CFAP77: variants seen among roughly 807,000 people sequenced by gnomAD.
The protein encoded by CFAP77 is cilia- and flagella-associated protein 77.
Under a neutral mutation model 31.1 loss-of-function variants are expected in CFAP77, and 25 were observed. The ratio of observed to expected loss-of-function variants is 0.80; its 90% confidence interval spans 0.59 to 1.12. The LOEUF (loss-of-function observed/expected upper bound fraction) is 1.12. Among genes scored for constraint, CFAP77 ranks in the 50% most tolerant of loss-of-function variants. The pLI is 0.00. For missense variants in CFAP77, 377 were observed against 397.3 expected, an observed-to-expected ratio of 0.95 and a Z score of 0.44; for synonymous variants, 151 against 159.9, an observed-to-expected ratio of 0.94 and a Z score of 0.42.
chr9:132,493,809 G>A (rs546986727), intron 1 of CFAP77, among the ~76,000 whole-genome samples: 36 of 152,316 alleles, frequency 2.4e-4, no homozygotes, highest in African/African-American at 8.2e-4. Context: ...CCACAGTAAC[G>A]TTCTTTCATT....
At chr9:132,433,072 C>T (rs1332986849) in intron 1 of CFAP77, among the ~76,000 whole-genome samples, 1 of 151,636 alleles carries the variant, frequency 6.6e-6, no homozygotes, top group Non-Finnish European at 1.5e-5. Flanking sequence ...TGGTCTCAAA[C>T]CCCTGACTTC....
rs142576017 is a variant in CFAP77 at position 132,479,539 on chromosome 9, C to T, written c.196-19156C>T. On this transcript the variant is annotated intron_variant, in intron 1 of 5. Transcript: ENST00000393216. ...TCTTCATTCATCCAACCTGCTGCAG[C>T]GCATTGAACCTGCTGATCCAATCAC... Among the ~76,000 whole-genome samples, 753 of 152,314 alleles carry T rather than the reference C, an allele frequency of 4.9e-3. 2 individuals carry two copies. Among genetic ancestry groups the T allele is most frequent in the Non-Finnish European group, 8.0e-3 (546 of 68,022 alleles).
At chr9:132,457,638 G>A (rs1032796388) in intron 1 of CFAP77, among the ~76,000 whole-genome samples, 1 of 152,218 alleles carries the variant, frequency 6.6e-6, no homozygotes, top group African/African-American at 2.4e-5. Flanking sequence ...CTGGCGACAG[G>A]TTACTGATGG....
chr9:132,513,595 C>T (rs1852081294), intron 3 of CFAP77, among the ~76,000 whole-genome samples: 1 of 152,198 alleles, frequency 6.6e-6, no homozygotes, highest in African/African-American at 2.4e-5. Flanking sequence ...ACATGACTCG[C>T]TCATCTCATG....
intron 5 of CFAP77, among the ~76,000 whole-genome samples, chr9:132,550,384 T>C (rs1852804180): frequency 6.6e-6 from 1 of 152,162 alleles, no homozygotes; most frequent in Non-Finnish European, 1.5e-5. Flanking sequence ...TTGATGGAAT[T>C]TGGGGGGTCC....
chr9:132,435,250 GGCTAA>G (rs1044503090), intron 1 of CFAP77, among the ~76,000 whole-genome samples: 4 of 151,976 alleles, frequency 2.6e-5, no homozygotes, highest in Non-Finnish European at 4.4e-5. Flanking sequence ...AAAGCGAGTG[GGCTAA>G]TGAAAATGTC....
chr9:132,431,592 A>G (rs192678966), intron 1 of CFAP77, among the ~76,000 whole-genome samples: 11 of 152,322 alleles, frequency 7.2e-5, no homozygotes, highest in Admixed American at 3.9e-4. Context: ...GTAAAAATTC[A>G]CTTAATGAGC....
intron 1 of CFAP77, among the ~76,000 whole-genome samples, chr9:132,456,501 G>A (rs777217998): frequency 6.6e-6 from 1 of 152,226 alleles, no homozygotes; most frequent in Non-Finnish European, 1.5e-5. Context: ...CAGGGGCAGT[G>A]CCTTCTAGCC....
At chr9:132,529,452 A>G (rs1405141253) in intron 3 of CFAP77, among the ~76,000 whole-genome samples, 1 of 146,448 alleles carries the variant, frequency 6.8e-6, no homozygotes, top group African/African-American at 2.5e-5. Flanking sequence ...GCACATGTAT[A>G]CATATGTAAC....
chr9:132,528,409 G>A (rs902475318), intron 3 of CFAP77, among the ~76,000 whole-genome samples: 7 of 145,846 alleles, frequency 4.8e-5, no homozygotes, highest in African/African-American at 1.7e-4. Flanking sequence ...AACCCTAGAA[G>A]AAAACCTAGG....
chr9:132,516,222 G>T (rs1461210804), intron 3 of CFAP77, among the ~76,000 whole-genome samples: 2 of 152,120 alleles, frequency 1.3e-5, no homozygotes, highest in South Asian at 4.1e-4. Flanking sequence ...ATATATATTG[G>T]TTACTTAAGA....
chr9:132,471,342 G>A (rs952196996), intron 1 of CFAP77, among the ~76,000 whole-genome samples: 14 of 152,074 alleles, frequency 9.2e-5, no homozygotes, highest in African/African-American at 3.4e-4. Flanking sequence ...TCCGTTGCAG[G>A]AGCCCCAGAG....
intron 1 of CFAP77, among the ~76,000 whole-genome samples, chr9:132,415,251 A>G (rs4962064): frequency 0.99 from 150,867 of 152,282 alleles, 74,756 homozygotes; most frequent in East Asian, 1. Flanking sequence ...ATCCATCCTT[A>G]CAACTCTCTC....
At chr9:132,443,261 T>G (rs992116152) in intron 1 of CFAP77, among the ~76,000 whole-genome samples, 7 of 151,812 alleles carry the variant, frequency 4.6e-5, no homozygotes, top group East Asian at 3.8e-4. Context: ...ATTTTTGTTT[T>G]TTTTTTTTTG....
At chr9:132,571,097 C>T (rs1164476721) in intron 5 of CFAP77, among the ~76,000 whole-genome samples, 2 of 152,256 alleles carry the variant, frequency 1.3e-5, no homozygotes, top group African/African-American at 2.4e-5. Flanking sequence ...TAACCTGCAG[C>T]GCCGTGGGCT....
intron 1 of CFAP77, among the ~76,000 whole-genome samples, chr9:132,462,003 G>T (rs982829469): frequency 1.3e-5 from 2 of 152,198 alleles, no homozygotes; most frequent in African/African-American, 2.4e-5. Flanking sequence ...CTTGCACACG[G>T]CAGGCACCTA....
At chr9:132,457,416 T>C (rs913809263) in intron 1 of CFAP77, among the ~76,000 whole-genome samples, 1 of 152,262 alleles carries the variant, frequency 6.6e-6, no homozygotes, top group Non-Finnish European at 1.5e-5. Flanking sequence ...AGTTTTTCTT[T>C]TGTGTTTTTT....
chr9:132,547,806 G>A (rs77782598), intron 5 of CFAP77, among the ~76,000 whole-genome samples: 3,653 of 152,276 alleles, frequency 0.024, 68 homozygotes, highest in Non-Finnish European at 0.037. Flanking sequence ...ATAACCCTGC[G>A]TGGGCCGGCC....
At chr9:132,478,875 G>A (rs937870731) in intron 1 of CFAP77, among the ~76,000 whole-genome samples, 3 of 152,154 alleles carry the variant, frequency 2.0e-5, no homozygotes, top group African/African-American at 7.2e-5. Context: ...ATTACAGAAT[G>A]CTGTTCTTTT....
Sources: gnomAD v4.1 joint callset for allele counts (sites outside exome capture counted in the v4.1 genomes callset) on GRCh38, gnomAD v4.1.1 for gene constraint, MANE v1.5 for transcripts, NCBI Gene and HGNC (gene_info 2026-07-23, HGNC 2026-07-21) for gene names.